Variants in NUDCD1 observed in about 807,000 individuals in gnomAD.
NUDCD1 encodes NudC domain containing 1.
Under a neutral mutation model 67.8 loss-of-function variants are expected in NUDCD1, and 60 were observed. The ratio of observed to expected loss-of-function variants is 0.88; its 90% CI spans 0.72 to 1.10. The LOEUF (loss-of-function observed/expected upper bound fraction) is 1.10, where lower values mean the gene tolerates loss of function less well. Among genes scored for constraint, NUDCD1 ranks in the 50% least tolerant of loss-of-function variants. The pLI, the probability that NUDCD1 is intolerant of heterozygous loss-of-function variation, is 0.00. For synonymous variants in NUDCD1, 244 were observed against 230.8 expected, an observed-to-expected ratio of 1.06 and a Z score of -0.52; for missense variants, 643 against 695.0, an observed-to-expected ratio of 0.93 and a Z score of 0.84.
intron 2 of NUDCD1, among the ~76,000 whole-genome samples, chr8:109,302,386 T>C (rs1815009707): frequency 6.6e-6 from 1 of 152,106 alleles, no homozygotes; most frequent in Non-Finnish European, 1.5e-5. Context: ...ATCTTTCTTC[T>C]TTCTCTGCTG....
chr8:109,304,836 G>A (rs746286221), intron 2 of NUDCD1, among the ~76,000 whole-genome samples: 1 of 152,126 alleles, frequency 6.6e-6, no homozygotes, highest in East Asian at 1.9e-4. Context: ...CTCAGGGCCA[G>A]TTTTTCTCCT....
At chr8:109,311,557 G>GTATATATATATATATATATATATATA (rs569380890) in intron 2 of NUDCD1, among the ~76,000 whole-genome samples, 12 of 62,680 alleles carry the variant, frequency 1.9e-4, no homozygotes, top group South Asian at 7.7e-4. Flanking sequence ...AGAAACTGTG[G>GTATATATATATATATATATATATATA]TGTATATATA....
rs1280393471 is a variant in NUDCD1 at position 109,241,895 on chromosome 8, T to G, written c.*1114A>C. ...TTTATATAAGATACATATCTTGAAA[T>G]GGTATAAAAAGTAATAAAAATTTCC... is the stretch of plus-strand genomic sequence containing the variant. On this transcript the variant is annotated 3_prime_UTR_variant, in exon 10 of 10. Transcript: ENST00000239690. The G allele has an allele frequency of 2.6e-6, 1 of 391,998 alleles. No individual in the cohort carries two copies. The highest frequency in any genetic ancestry group is 4.4e-5 in the Admixed American group (1 of 22,578). 24.3% of individuals were successfully genotyped at this position (391,998 alleles called of 1,614,324 possible).
chr8:109,273,687 C>A (rs1814212310), intron 7 of NUDCD1, among the ~76,000 whole-genome samples: 1 of 151,870 alleles, frequency 6.6e-6, no homozygotes, highest in Non-Finnish European at 1.5e-5. Flanking sequence ...AAGTGCCTTC[C>A]AAAAAAGCAA....
At chr8:109,270,302 T>C (rs192985085) in intron 8 of NUDCD1, among the ~76,000 whole-genome samples, 11 of 150,920 alleles carry the variant, frequency 7.3e-5, no homozygotes, top group African/African-American at 1.9e-4. Context: ...ACAAAAGAAA[T>C]AGTTATTACA....
chr8:109,293,096 CTT>C (rs1814747227), intron 4 of NUDCD1, among the ~76,000 whole-genome samples: 1 of 151,898 alleles, frequency 6.6e-6, no homozygotes, highest in South Asian at 2.1e-4. Flanking sequence ...TTATTCAAAA[CTT>C]ATATAACAAT....
chr8:109,333,640 A>C (rs1815869061), intron 1 of NUDCD1, among the ~76,000 whole-genome samples: 1 of 152,052 alleles, frequency 6.6e-6, no homozygotes, highest in Admixed American at 6.5e-5. Context: ...CAGCCCTCAG[A>C]CCTCAGACCT....
chr8:109,294,823 C>T (rs1308248613), intron 3 of NUDCD1, among the ~76,000 whole-genome samples: 1 of 152,014 alleles, frequency 6.6e-6, no homozygotes, highest in Non-Finnish European at 1.5e-5. Context: ...ACCCTTGGCC[C>T]CCTTACCCCC....
intron 2 of NUDCD1, among the ~76,000 whole-genome samples, chr8:109,301,216 T>C (rs1464503135): frequency 2.0e-5 from 3 of 152,194 alleles, no homozygotes; most frequent in Non-Finnish European, 2.9e-5. Flanking sequence ...CTGTGATTTG[T>C]TCCTGCCCCA....
intron 2 of NUDCD1, among the ~76,000 whole-genome samples, chr8:109,320,136 A>G (rs1448853929): frequency 6.6e-6 from 1 of 152,228 alleles, no homozygotes; most frequent in Non-Finnish European, 1.5e-5. Flanking sequence ...ATGAAGTTTC[A>G]GGCACCATTG....
chr8:109,316,705 T>C (rs1200602098), intron 2 of NUDCD1, among the ~76,000 whole-genome samples: 1 of 152,192 alleles, frequency 6.6e-6, no homozygotes, highest in Non-Finnish European at 1.5e-5. Flanking sequence ...AGTATTCTTC[T>C]GTATCCCAGG....
chr8:109,279,233 C>T (rs1317055745), intron 6 of NUDCD1, among the ~76,000 whole-genome samples: 1 of 152,220 alleles, frequency 6.6e-6, no homozygotes, highest in Admixed American at 6.5e-5. Context: ...ATTTTACACT[C>T]GTACCAGATA....
chr8:109,253,144 C>T (rs558085275), intron 8 of NUDCD1, among the ~76,000 whole-genome samples: 56 of 152,264 alleles, frequency 3.7e-4, no homozygotes, highest in Admixed American at 3.6e-3. Flanking sequence ...AGTGTTTTCT[C>T]GAACAGATGC....
chr8:109,294,379 C>T (rs1473131473), intron 3 of NUDCD1, among the ~76,000 whole-genome samples: 1 of 151,888 alleles, frequency 6.6e-6, no homozygotes, highest in African/African-American at 2.4e-5. Context: ...AAGTAATGGG[C>T]CTTCAGAATC....
chr8:109,258,775 T>G (rs1206920520), intron 8 of NUDCD1, among the ~76,000 whole-genome samples: 7 of 152,152 alleles, frequency 4.6e-5, no homozygotes, highest in Admixed American at 3.9e-4. Context: ...GGCTTGACAC[T>G]GTACAGAATT....
intron 1 of NUDCD1, among the ~76,000 whole-genome samples, chr8:109,328,265 T>C (rs575354668): frequency 6.6e-6 from 1 of 152,172 alleles, no homozygotes; most frequent in Non-Finnish European, 1.5e-5. Context: ...GTTACATGGC[T>C]TTTCCCTCCC....
chr8:109,276,469 A>G (rs1196079459), intron 6 of NUDCD1, among the ~76,000 whole-genome samples: 2 of 152,238 alleles, frequency 1.3e-5, no homozygotes, highest in Non-Finnish European at 2.9e-5. Flanking sequence ...TAACTATTAT[A>G]GTTATCAAAT....
intron 2 of NUDCD1, among the ~76,000 whole-genome samples, chr8:109,306,454 C>A (rs1243823067): frequency 2.6e-5 from 4 of 152,172 alleles, no homozygotes; most frequent in Middle Eastern, 3.4e-3. Context: ...TCTCTTTCCT[C>A]CAAAATCGCC....
intron 1 of NUDCD1, among the ~76,000 whole-genome samples, chr8:109,325,920 A>G (rs1243131875): frequency 2.6e-5 from 4 of 152,238 alleles, no homozygotes; most frequent in African/African-American, 9.6e-5. Flanking sequence ...AACATCTCAC[A>G]GGTAAAAATC....
Sources: allele counts gnomAD v4.1 joint callset (sites outside exome capture counted in the v4.1 genomes callset), GRCh38; gene constraint gnomAD v4.1.1; transcripts MANE v1.5; gene names NCBI Gene and HGNC (gene_info 2026-07-23, HGNC 2026-07-21).